The following MBD3 variants were observed in gnomAD, a reference collection of about 807,000 sequenced individuals.
The protein encoded by MBD3 is methyl-CpG binding domain protein 3.
MBD3 carries 13 observed loss-of-function variants against 31.2 expected under a neutral mutation model. The ratio of observed to expected loss-of-function variants is 0.42; its 90% CI spans 0.27 to 0.66. The LOEUF is 0.66. Among genes scored for constraint, MBD3 ranks in the 30% least tolerant of loss-of-function variants. The probability of loss-of-function intolerance (pLI) is 0.26; values close to 1 mark genes in which losing one functional copy is unlikely to be tolerated. For missense variants in MBD3, 440 were observed against 426.5 expected (o/e 1.03, Z -0.28); for synonymous variants, 223 against 187.4 (o/e 1.19, Z -1.55).
rs887670517 is a variant in MBD3 at position 1,576,796 on chromosome 19, C to T, written c.*1368G>A. ...GCAAAGGGTCCCAGCCAGTGGGCAC[C>T]AACCTCAGGAAGACGTGGTCCCCAC... On this transcript the variant is annotated 3_prime_UTR_variant, in exon 7 of 7. Coordinates refer to ENST00000434436, the MANE Select transcript of MBD3 (RefSeq NM_001281453.2). 12 of 152,318 alleles carry T rather than the reference C, an allele frequency of 7.9e-5. No homozygotes were observed. Among genetic ancestry groups the T allele is most frequent in the African/African-American group, 2.9e-4 (12 of 41,460 alleles). The allele number at this position is 152,318 out of a possible 1,614,324, so 9.4% of individuals were successfully genotyped here. A position where few individuals can be genotyped will look rare whatever the true frequency, so the allele number is the denominator to read the frequency against.
chr19:1,581,409 T>C lies in MBD3; in HGVS notation c.500-140A>G, dbSNP rs141451966. 201 of 857,320 alleles carry C rather than the reference T, an allele frequency of 2.3e-4. 1 individual carries two copies. In the East Asian group the frequency reaches 4.4e-3, roughly 19 times the overall value. The allele number at this position is 857,320 out of a possible 1,614,324, so 53.1% of individuals were successfully genotyped here. A position where few individuals can be genotyped will look rare whatever the true frequency, so the allele number is the denominator to read the frequency against. ...CCCCAACTTGGGTTCCATTTCTAAA[T>C]TCCCTCTCCCGCTTGTGTTACTACA... On this transcript the variant is annotated intron_variant, in intron 4 of 6. Coordinates refer to ENST00000434436, the MANE Select transcript of MBD3 (RefSeq NM_001281453.2).
At position 1,585,258 on chromosome 19, in the gene MBD3, C is replaced by T. The variant is rs1199598822; in HGVS notation, c.111-44G>A. 15 of 1,538,716 alleles carry T rather than the reference C, an allele frequency of 9.7e-6. No homozygotes were observed. The highest frequency in any genetic ancestry group is 1.2e-5 in the Non-Finnish European group (14 of 1,148,434). On this transcript the variant is annotated intron_variant, in intron 1 of 6. Coordinates refer to ENST00000434436, the MANE Select transcript of MBD3 (RefSeq NM_001281453.2). This position sits in a 1 kb window ranked among gnomAD's most constrained non-coding sequence, Gnocchi z 4.1. ...GTCGGCGCCCCGGGCGGACCCCAGA[C>T]CCCAAACCCAGGCCTCGGCCGCAGA...
chr19:1,585,100 G>C lies in MBD3; in HGVS notation c.225C>G (p.Asn75Lys), dbSNP rs1478551825. ...RTGKMLMSKM[N>K]KSRQRVRYDS... Reference sequence around the variant, plus strand: ...CGTAGCGCACGCGCTGGCGGCTCTTGTTCATCTTGCTCATCAGCATCTTGC... The same window carrying C: ...CGTAGCGCACGCGCTGGCGGCTCTTCTTCATCTTGCTCATCAGCATCTTGC... Residue 75 changes from asparagine (N) to lysine (K), a missense_variant, in exon 2 of 7, where the codon AAC (asparagine) becomes AAG (lysine). Coordinates refer to ENST00000434436, the MANE Select transcript of MBD3 (RefSeq NM_001281453.2). This position sits in a 1 kb window ranked among gnomAD's most constrained non-coding sequence, Gnocchi z 4.1. The C allele has an allele frequency of 2.5e-6, 4 of 1,612,590 alleles. No homozygotes were observed. Among genetic ancestry groups the C allele is most frequent in the Non-Finnish European group, 2.5e-6 (3 of 1,179,522 alleles).
chr19:1,590,191 G>A (rs890762281), intron 1 of MBD3, among the ~76,000 whole-genome samples: 5 of 152,170 alleles, frequency 3.3e-5, no homozygotes, highest in Admixed American at 6.5e-5. Flanking sequence ...CCAGCTACTC[G>A]GGAGGCTGAG....
rs1224919713 is a variant in MBD3, at chr19:1,585,071, G to A, written c.254C>T (p.Ser85Phe). Residue 85 changes from serine to phenylalanine, a missense_variant, in exon 2 of 7, where the codon TCC (serine) becomes TTC (phenylalanine). This residue lies in a region of MBD3 where 179 missense variants were observed against 134.7 expected (regional missense o/e 1.33). Transcript: ENST00000434436. The surrounding 1 kb of genome is among the most constrained non-coding windows in gnomAD (Gnocchi z 4.1). ...ACCACTCACCTTGACCTGGTTGGAG[G>A]AGTCGTAGCGCACGCGCTGGCGGCT... is the stretch of plus-strand genomic sequence containing the variant. ...NKSRQRVRYD[S>F]SNQVKGKPDL... The A allele has an allele frequency of 1.9e-6, 3 of 1,612,182 alleles. No homozygotes were observed. Among genetic ancestry groups the A allele is most frequent in the South Asian group, 2.2e-5 (2 of 91,074 alleles).
chr19:1,592,479 G>C, intron 1 of MBD3, 43 bp downstream of exon 1: 7 of 1,139,796 alleles, frequency 6.1e-6, no homozygotes, highest in Non-Finnish European at 7.1e-6. Context: ...AGGCCGCTGG[G>C]AGGAGCCCGT....
Position 1,586,957 on chromosome 19 carries a change from G to A in MBD3, c.111-1743C>T, listed in dbSNP as rs2060682029. On this transcript the variant is annotated intron_variant, in intron 1 of 6. Coordinates refer to ENST00000434436, the MANE Select transcript of MBD3 (RefSeq NM_001281453.2). ...GCTGGGATTACAGGTGTGAGTCACC[G>A]TGCCCGGCCTAATTTTTTTTTTTTT... Among the ~76,000 whole-genome samples the A allele has an allele frequency of 3.3e-5, 5 of 149,838 alleles. No homozygotes were observed. In the South Asian group the frequency reaches 1.1e-3, roughly 32 times the overall value.
At chr19:1,588,222 G>A (rs2060687954) in intron 1 of MBD3, among the ~76,000 whole-genome samples, 1 of 152,318 alleles carries the variant, frequency 6.6e-6, no homozygotes, top group African/African-American at 2.4e-5. Context: ...GGGAGGGCAC[G>A]AGGACAAGTG....
In MBD3 at chr19:1,575,406, T is replaced by C. The variant is rs1356934536; in HGVS notation, c.*2758A>G. On this transcript the variant is annotated 3_prime_UTR_variant, in exon 7 of 7. Transcript: ENST00000434436. ...CAAGAGCGAAAGAAGAGCGAAACTC[T>C]TGTCTAAAAAAAAAAAAAGTCCCAG... 9.4e-6 allele frequency: 3 copies of C among 318,432 alleles called. No individual in the cohort carries two copies. The highest frequency in any genetic ancestry group is 1.9e-5 in the Non-Finnish European group (3 of 157,812). 19.7% of individuals were successfully genotyped at this position (318,432 alleles called of 1,614,324 possible). A position where few individuals can be genotyped will look rare whatever the true frequency, so the allele number is the denominator to read the frequency against.
At chr19:1,582,286 A>G (rs917303862) in intron 4 of MBD3, among the ~76,000 whole-genome samples, 4 of 152,146 alleles carry the variant, frequency 2.6e-5, no homozygotes, top group Non-Finnish European at 5.9e-5. Flanking sequence ...GAGAGTACAG[A>G]AGCAAAGTCA....
intron 3 of MBD3, 32 bp from the exon 4 acceptor site, chr19:1,582,744 T>G: frequency 6.3e-7 from 1 of 1,583,468 alleles, no homozygotes; most frequent in Non-Finnish European, 8.6e-7. Flanking sequence ...ACCTCAAGAG[T>G]GGCCCTGCCC....
rs991634490 is a variant in MBD3, at chr19:1,575,205, G to C, written c.*2959C>G. The stretch of plus-strand genomic sequence containing the variant: ...GGCAATTTGGGAAGCTGGGGCGGGC[G>C]GATCACCTGAGGTTAGGAGTTCCAG... On this transcript the variant is annotated 3_prime_UTR_variant, in exon 7 of 7. Transcript: ENST00000434436. 2 of 433,512 alleles carry C rather than the reference G, an allele frequency of 4.6e-6. No individual in the cohort carries two copies. Among genetic ancestry groups the C allele is most frequent in the African/African-American group, 4.0e-5 (2 of 49,474 alleles). The allele number at this position is 433,512 out of a possible 1,614,324, so 26.9% of individuals were successfully genotyped here. A position where few individuals can be genotyped will look rare whatever the true frequency, so the allele number is the denominator to read the frequency against.
At chr19:1,582,242 C>T (rs1426264123) in intron 4 of MBD3, among the ~76,000 whole-genome samples, 1 of 152,192 alleles carries the variant, frequency 6.6e-6, no homozygotes, top group African/African-American at 2.4e-5. Context: ...CATGCAAGAG[C>T]TGCATTCTTT....
intron 2 of MBD3, 67 bp downstream of exon 2, chr19:1,584,988 A>C: frequency 6.3e-7 from 1 of 1,590,742 alleles, no homozygotes; most frequent in Non-Finnish European, 8.5e-7. Context: ...CCTGCAGCTC[A>C]CGTCATGGCC....
intron 1 of MBD3, among the ~76,000 whole-genome samples, chr19:1,590,927 C>T (rs922049993): frequency 2.0e-5 from 3 of 152,220 alleles, no homozygotes; most frequent in African/African-American, 4.8e-5. Context: ...AATCTCTAGC[C>T]TGTAGAGGAG....
chr19:1,586,713 C>A (rs886836542), intron 1 of MBD3, among the ~76,000 whole-genome samples: 4 of 151,306 alleles, frequency 2.6e-5, no homozygotes, highest in African/African-American at 9.7e-5. Context: ...GTCGCCCAGG[C>A]TGGAGTGAAG....
Position 1,584,615 on chromosome 19 carries a change from C to T in MBD3, c.333G>A (p.Pro111=). The T allele has an allele frequency of 3.1e-6, 5 of 1,613,890 alleles. No individual in the cohort carries two copies. The highest frequency in any genetic ancestry group is 1.3e-5 in the African/African-American group (1 of 75,058). ...VRQTASIFKQ[P]VTKITNHPSN... ...TGGGGTGGTTGGTAATCTTGGTCAC[C>T]GGCTGCTTGAAGATGGACGCCGTCT... Residue 111 remains proline, a synonymous_variant, in exon 3 of 7, where the codon CCG becomes CCA. Coordinates refer to ENST00000434436, the MANE Select transcript of MBD3 (RefSeq NM_001281453.2).
chr19:1,582,677 G>A lies in MBD3; in HGVS notation c.444C>T (p.Ala148=), dbSNP rs752511097. Residue 148 remains alanine (A), a synonymous_variant, in exon 4 of 7, where the codon GCC becomes GCT. Transcript: ENST00000434436. ...TGACCAGCTCCTCAGCAATGTCGAA[G>A]GCGTTCAGGCCGCTCAGCTTCTTCT... is the stretch of plus-strand genomic sequence containing the variant. ...FWEKKLSGLN[A]FDIAEELVKT... 6.8e-6 allele frequency: 11 copies of A among 1,613,974 alleles called. No homozygotes were observed. In the East Asian group the frequency reaches 2.2e-4, roughly 33 times the overall value.
Position 1,581,160 on chromosome 19 carries a change from G to C in MBD3, c.609C>G (p.Asn203Lys). The C allele has an allele frequency of 6.2e-7, 1 of 1,614,166 alleles. No individual in the cohort carries two copies. Among genetic ancestry groups the C allele is most frequent in the Non-Finnish European group, 8.5e-7 (1 of 1,180,034 alleles). The stretch of plus-strand genomic sequence containing the variant: ...GCGTGGTGTTGAGCCATACGCCGGG[G>C]TTCTTCTCCACGGCGGCCGAGAGCT... Reference protein sequence around the residue: ...TGQLSAAVEKNPGVWLNTTQP... With the variant: ...TGQLSAAVEKKPGVWLNTTQP... The change falls in exon 5 of 7, where the codon AAC becomes AAG. Residue 203 changes from asparagine (N) to lysine (K), a missense_variant. By Grantham distance (94) the Asn-to-Lys change is moderately conservative (BLOSUM62 0). Coordinates refer to ENST00000434436, the MANE Select transcript of MBD3 (RefSeq NM_001281453.2).
Sources: gnomAD v4.1 joint callset for allele counts (sites outside exome capture counted in the v4.1 genomes callset) on GRCh38, gnomAD v4.1.1 for gene constraint, gnomAD v4.1.1 regional missense constraint, Gnocchi (gnomAD v3.1) non-coding constraint, MANE v1.5 for transcripts, NCBI Gene and HGNC (gene_info 2026-07-23, HGNC 2026-07-21) for gene names.